Variants in ARMC2 observed in about 807,000 individuals in gnomAD.
ARMC2 encodes armadillo repeat-containing protein 2.
A neutral mutation model predicts 90.3 loss-of-function variants in ARMC2; 67 were observed. That is an observed-to-expected ratio of 0.74 (90% confidence interval 0.61 to 0.91). The LOEUF (loss-of-function observed/expected upper bound fraction) is 0.91, where lower values mean the gene tolerates loss of function less well. Ranked by LOEUF, ARMC2 falls within the 40% of genes least tolerant of loss-of-function variation. The pLI is 0.00. For synonymous variants in ARMC2, 393 were observed against 393.0 expected (o/e 1.00, Z 0.00); for missense variants, 920 against 1,030.9 (o/e 0.89, Z 1.47).
chr6:108,920,184 G>GTTTTGT (rs1213958738), intron 10 of ARMC2, among the ~76,000 whole-genome samples: 1 of 151,978 alleles, frequency 6.6e-6, no homozygotes, highest in Non-Finnish European at 1.5e-5. Flanking sequence ...ATTTTGTTTT[G>GTTTTGT]TTTTGTTTTT....
At chr6:109,028,730 A>G in the ARMC2 span, among the ~76,000 whole-genome samples, 2 of 152,188 alleles carry the variant, frequency 1.3e-5, no homozygotes, top group African/African-American at 4.8e-5. Context: ...TACTACTTAA[A>G]AATAATTGCC....
At chr6:109,029,246 TC>T in the ARMC2 span, among the ~76,000 whole-genome samples, 1 of 152,266 alleles carries the variant, frequency 6.6e-6, no homozygotes, top group South Asian at 2.1e-4. Flanking sequence ...GAAAGACTCT[TC>T]CTAGCCACTG....
the ARMC2 span, among the ~76,000 whole-genome samples, chr6:109,032,815 T>C: frequency 3.3e-5 from 5 of 152,126 alleles, no homozygotes; most frequent in African/African-American, 7.2e-5. Context: ...GATAGGAAGA[T>C]ATACCTTTTA....
At chr6:109,012,995 A>T in the ARMC2 span, among the ~76,000 whole-genome samples, 5 of 152,018 alleles carry the variant, frequency 3.3e-5, no homozygotes, top group Non-Finnish European at 7.4e-5. Context: ...GTGCGCCTGT[A>T]GTCCCAGCTA....
At chr6:108,849,197 A>G (rs1436475136) in intron 1 of ARMC2, among the ~76,000 whole-genome samples, 1 of 152,208 alleles carries the variant, frequency 6.6e-6, no homozygotes, top group Non-Finnish European at 1.5e-5. Context: ...CCATTCCCAC[A>G]AGTAACACAA....
At chr6:109,041,372 G>C in the ARMC2 span, among the ~76,000 whole-genome samples, 1 of 152,108 alleles carries the variant, frequency 6.6e-6, no homozygotes, top group Non-Finnish European at 1.5e-5. Flanking sequence ...ATGACCTTTT[G>C]CTATTTCTCA....
At chr6:108,861,589 T>C (rs1450509122) in intron 3 of ARMC2, among the ~76,000 whole-genome samples, 1 of 152,252 alleles carries the variant, frequency 6.6e-6, no homozygotes. Flanking sequence ...GTTCATGTAT[T>C]GCAGATGACA....
At chr6:108,909,840 G>C (rs1204272720) in intron 8 of ARMC2, among the ~76,000 whole-genome samples, 2 of 152,020 alleles carry the variant, frequency 1.3e-5, no homozygotes, top group South Asian at 2.1e-4. Context: ...AGCCTAGAAG[G>C]TAATTTTCAA....
chr6:108,912,995 G>A (rs565308276), intron 10 of ARMC2, among the ~76,000 whole-genome samples: 16 of 152,320 alleles, frequency 1.1e-4, no homozygotes, highest in African/African-American at 3.8e-4. Context: ...CAGTCACTGA[G>A]GTGGGTATGT....
At chr6:109,040,377 G>T in the ARMC2 span, among the ~76,000 whole-genome samples, 9 of 152,066 alleles carry the variant, frequency 5.9e-5, no homozygotes, top group African/African-American at 9.7e-5. Context: ...GGTTGAAGAA[G>T]GATTAAAAGG....
At chr6:108,998,219 T>C in the ARMC2 span, among the ~76,000 whole-genome samples, 2 of 152,248 alleles carry the variant, frequency 1.3e-5, no homozygotes, top group Non-Finnish European at 2.9e-5. Flanking sequence ...ATCAATATTA[T>C]TTGGTCCTGA....
chr6:109,045,876 T>C, the ARMC2 span, among the ~76,000 whole-genome samples: 1 of 152,222 alleles, frequency 6.6e-6, no homozygotes. Flanking sequence ...ATAATACATG[T>C]TTCTGAAATA....
At chr6:108,874,954 T>G (rs758532254) in intron 4 of ARMC2, among the ~76,000 whole-genome samples, 2 of 152,138 alleles carry the variant, frequency 1.3e-5, no homozygotes, top group African/African-American at 2.4e-5. Context: ...ATTATTAGTT[T>G]TTATTGGTTT....
At chr6:109,023,038 C>T in the ARMC2 span, among the ~76,000 whole-genome samples, 1 of 152,196 alleles carries the variant, frequency 6.6e-6, no homozygotes, top group African/African-American at 2.4e-5. Flanking sequence ...TATGACTGCT[C>T]ACTCCACCCT....
chr6:108,926,767 T>C (rs949601456), intron 10 of ARMC2, among the ~76,000 whole-genome samples: 4 of 152,088 alleles, frequency 2.6e-5, no homozygotes, highest in Non-Finnish European at 1.5e-5. Context: ...GAAGACTACA[T>C]TGTGACATTG....
In ARMC2 at chr6:108,870,451, G is replaced by T. The variant is rs76099963; in HGVS notation, c.463+1456G>T. Among the ~76,000 whole-genome samples the T allele has an allele frequency of 4.1e-3, 622 of 151,860 alleles. 1 individual carries two copies. Among genetic ancestry groups the T allele is most frequent in the African/African-American group, 0.014 (582 of 41,334 alleles). The stretch of plus-strand genomic sequence containing the variant: ...CCTGTGCCATTCACTTGCCTGTGTG[G>T]TCCCTGATGTGGCTGAAGAGTTAGA... On this transcript the variant is annotated intron_variant, in intron 4 of 17. Coordinates refer to ENST00000392644, the MANE Select transcript of ARMC2 (RefSeq NM_032131.6).
chr6:108,991,356 C>G, the ARMC2 span, among the ~76,000 whole-genome samples: 1 of 152,170 alleles, frequency 6.6e-6, no homozygotes. Context: ...ATCCTCCCTG[C>G]CTCAGCCTCC....
At chr6:109,000,057 T>C in the ARMC2 span, 1 of 152,632 alleles carries the variant, frequency 6.6e-6, no homozygotes, top group African/African-American at 2.4e-5. Context: ...TTTTGTATGA[T>C]TCCAGCTGTA....
chr6:109,030,937 C>A, the ARMC2 span, among the ~76,000 whole-genome samples: 1 of 152,236 alleles, frequency 6.6e-6, no homozygotes, highest in Non-Finnish European at 1.5e-5. Flanking sequence ...CACTACTCAA[C>A]TGTTTAAAAT....
Sources: allele counts gnomAD v4.1 joint callset (sites outside exome capture counted in the v4.1 genomes callset), GRCh38; gene constraint gnomAD v4.1.1; transcripts MANE v1.5; gene names NCBI Gene and HGNC (gene_info 2026-07-23, HGNC 2026-07-21).